Variants in CACNG4 observed in about 807,000 individuals in gnomAD.
CACNG4 encodes the protein voltage-dependent calcium channel gamma-4 subunit.
In CACNG4, 8 loss-of-function variants were observed where a neutral mutation model predicts 22.9. The ratio of observed to expected loss-of-function variants is 0.35; its 90% CI spans 0.21 to 0.63. The LOEUF is 0.63. Among genes scored for constraint, CACNG4 ranks in the 30% least tolerant of loss-of-function variants. The pLI, the probability that CACNG4 is intolerant of heterozygous loss-of-function variation, is 0.72. For missense variants in CACNG4, 357 were observed against 455.4 expected (o/e 0.78, Z 1.97); for synonymous variants, 188 against 191.9 (o/e 0.98, Z 0.17).
At chr17:67,015,933 C>G (rs976159007) in intron 1 of CACNG4, among the ~76,000 whole-genome samples, 2 of 152,158 alleles carry the variant, frequency 1.3e-5, no homozygotes, top group African/African-American at 4.8e-5. Flanking sequence ...ATGGGAGAGC[C>G]AGGAGTGAGA....
At chr17:67,002,730 C>A (rs1419162601) in intron 1 of CACNG4, among the ~76,000 whole-genome samples, 1 of 152,046 alleles carries the variant, frequency 6.6e-6, no homozygotes, top group Non-Finnish European at 1.5e-5. Context: ...GTGAGAGAAT[C>A]CTGGCTGTGC....
chr17:66,965,256 G>A, intron 1 of CACNG4, 125 bp downstream of exon 1: 1 of 635,008 alleles, frequency 1.6e-6, no homozygotes, highest in East Asian at 3.1e-5. Flanking sequence ...GCGGGCCGGG[G>A]AGAGGGTGGG....
intron 1 of CACNG4, among the ~76,000 whole-genome samples, chr17:66,971,994 C>A (rs147599793): frequency 3.1e-4 from 47 of 152,226 alleles, no homozygotes; most frequent in African/African-American, 1.1e-3. Flanking sequence ...GACATTGTGG[C>A]AGACTGGAGA....
At chr17:66,986,238 C>A (rs186055744) in intron 1 of CACNG4, among the ~76,000 whole-genome samples, 1 of 152,248 alleles carries the variant, frequency 6.6e-6, no homozygotes, top group Non-Finnish European at 1.5e-5. Context: ...TGCTTAGGAG[C>A]CTGCCTCTGG....
chr17:67,032,005 T>C lies in CACNG4; in HGVS notation c.*1001T>C, dbSNP rs1489552481. On this transcript the variant is annotated 3_prime_UTR_variant, in exon 4 of 4. Coordinates refer to ENST00000262138, the MANE Select transcript of CACNG4 (RefSeq NM_014405.4). ...AAAAACCCTAGAGAACAAACATCCA[T>C]TTCCTAGGTGGTTACAAATCATAAC... 1 of 456,270 alleles carries C rather than the reference T, an allele frequency of 2.2e-6. No homozygotes were observed. The highest frequency in any genetic ancestry group is 2.4e-5 in the Admixed American group (1 of 42,478). 28.3% of individuals were successfully genotyped at this position (456,270 alleles called of 1,614,324 possible). A position where few individuals can be genotyped will look rare whatever the true frequency, so the allele number is the denominator to read the frequency against.
Position 67,026,345 on chromosome 17 carries a change from G to C in CACNG4, c.445+1345G>C, listed in dbSNP as rs2035566183. Among the ~76,000 whole-genome samples, 3 of 151,286 alleles carry C rather than the reference G, an allele frequency of 2.0e-5. No homozygotes were observed. In the South Asian group the frequency reaches 6.3e-4, roughly 32 times the overall value. ...TTTGAGGACTGGTGGGTTTGTGTGT[G>C]TGAGCATGGTGTGTGTGTATTTGAG... is the stretch of plus-strand genomic sequence containing the variant. On this transcript the variant is annotated intron_variant, in intron 3 of 3. Coordinates refer to ENST00000262138, the MANE Select transcript of CACNG4 (RefSeq NM_014405.4).
intron 1 of CACNG4, among the ~76,000 whole-genome samples, chr17:66,967,314 C>G (rs965924027): frequency 1.1e-4 from 16 of 152,128 alleles, no homozygotes; most frequent in Non-Finnish European, 2.2e-4. Context: ...TTCCCCAATG[C>G]TCAGTGGTTC....
chr17:67,028,131 G>A (rs1171396689), intron 3 of CACNG4, among the ~76,000 whole-genome samples: 1 of 152,238 alleles, frequency 6.6e-6, no homozygotes, highest in Non-Finnish European at 1.5e-5. Flanking sequence ...CAGGACTGGT[G>A]TGCTCAGGGC....
At chr17:66,986,800 C>T (rs2035308007) in intron 1 of CACNG4, among the ~76,000 whole-genome samples, 1 of 152,218 alleles carries the variant, frequency 6.6e-6, no homozygotes, top group African/African-American at 2.4e-5. Flanking sequence ...GTGCATGTGT[C>T]TCTGTCCAAA....
intron 2 of CACNG4, among the ~76,000 whole-genome samples, chr17:67,018,511 G>T (rs771837919): frequency 3.3e-5 from 5 of 152,220 alleles, no homozygotes; most frequent in Non-Finnish European, 5.9e-5. Flanking sequence ...CTGGGGAGAT[G>T]GGCCTGTGCC....
chr17:66,973,111 T>G (rs1010817162), intron 1 of CACNG4, among the ~76,000 whole-genome samples: 1 of 151,718 alleles, frequency 6.6e-6, no homozygotes, highest in Non-Finnish European at 1.5e-5. Context: ...GCCAGAATGG[T>G]GGCAGGCACC....
chr17:67,005,752 AAC>A (rs1428673625), intron 1 of CACNG4, among the ~76,000 whole-genome samples: 1 of 152,200 alleles, frequency 6.6e-6, no homozygotes, highest in African/African-American at 2.4e-5. Flanking sequence ...ATTGAAAGGA[AAC>A]ACCTTTTCGG....
At position 67,030,152 on chromosome 17, in the gene CACNG4, G is replaced by GGTGTGT. The variant is rs34332552; in HGVS notation, c.446-298_446-293dup. On this transcript the variant is annotated intron_variant, in intron 3 of 3. Transcript: ENST00000262138. The surrounding 1 kb of genome is among the most constrained non-coding windows in gnomAD (Gnocchi z 6.4). ...AGTACTGTGCAAAGGAAATAATAGG[G>GGTGTGT]GTGTGTGTGTGTGTGTGTGTGAAGA... Among the ~76,000 whole-genome samples, 1 of 88,502 alleles carries GGTGTGT rather than the reference G, an allele frequency of 1.1e-5. No individual in the cohort carries two copies. The highest frequency in any genetic ancestry group is 3.1e-5 in the Non-Finnish European group (1 of 32,384). The allele number at this position is 88,502 out of a possible 152,430, so 58.1% of individuals were successfully genotyped here. A position where few individuals can be genotyped will look rare whatever the true frequency, so the allele number is the denominator to read the frequency against.
chr17:66,992,816 A>T (rs925826880), intron 1 of CACNG4, among the ~76,000 whole-genome samples: 1 of 152,170 alleles, frequency 6.6e-6, no homozygotes, highest in Admixed American at 6.5e-5. Context: ...CGCACTTGTG[A>T]TTGTGTGTTA....
chr17:67,025,082 C>G (rs918042495), intron 3 of CACNG4, 82 bp downstream of exon 3: 1 of 1,346,020 alleles, frequency 7.4e-7, no homozygotes. Context: ...CACTGCCAGG[C>G]AGTGTGCATC....
intron 1 of CACNG4, among the ~76,000 whole-genome samples, chr17:67,003,703 C>T (rs970003853): frequency 4.6e-5 from 7 of 152,176 alleles, no homozygotes; most frequent in Non-Finnish European, 2.9e-5. Flanking sequence ...ACAACTGTCT[C>T]CAGCCTTTGT....
At chr17:67,006,462 T>A (rs1165806295) in intron 1 of CACNG4, among the ~76,000 whole-genome samples, 1 of 152,162 alleles carries the variant, frequency 6.6e-6, no homozygotes, top group Non-Finnish European at 1.5e-5. Flanking sequence ...ACTGTCTCCG[T>A]CACCTCCCCA....
At chr17:66,998,817 C>G (rs905560122) in intron 1 of CACNG4, among the ~76,000 whole-genome samples, 5 of 152,222 alleles carry the variant, frequency 3.3e-5, no homozygotes, top group African/African-American at 1.2e-4. Flanking sequence ...CACATGAGCC[C>G]CTTTCCAAAC....
rs535381899 is a variant in CACNG4, at chr17:66,997,563, T to C, written c.221-20626T>C. On this transcript the variant is annotated intron_variant, in intron 1 of 3. Transcript: ENST00000262138. ...AGGGTGTAGTGGCTCATACCTATAA[T>C]CCCAGCACTTTTGGAGGCTGAGGCG... Among the ~76,000 whole-genome samples, 21 of 152,232 alleles carry C rather than the reference T, an allele frequency of 1.4e-4. No individual in the cohort carries two copies. The South Asian group carries it at 4.2e-3, about 30-fold the overall frequency.
Sources: gnomAD v4.1 joint callset for allele counts (sites outside exome capture counted in the v4.1 genomes callset) on GRCh38, gnomAD v4.1.1 for gene constraint, Gnocchi (gnomAD v3.1) non-coding constraint, MANE v1.5 for transcripts, NCBI Gene and HGNC (gene_info 2026-07-23, HGNC 2026-07-21) for gene names.